The following WDPCP variants were observed in gnomAD, a reference collection of about 807,000 sequenced individuals.
WDPCP encodes the protein WD repeat containing planar cell polarity effector, also known as WD repeat-containing and planar cell polarity effector protein fritz homolog.
WDPCP carries 71 observed loss-of-function variants against 93.1 expected under a neutral mutation model. The observed-to-expected ratio is 0.76, with a 90% confidence interval of 0.63 to 0.93. WDPCP has a LOEUF of 0.93. WDPCP is among the 40% of genes least tolerant of loss of function. The pLI is 0.00. For synonymous variants in WDPCP, 315 were observed against 315.0 expected (o/e 1.00, Z 0.00); for missense variants, 844 against 887.4 (o/e 0.95, Z 0.62).
At chr2:63,342,820 C>A (rs996512787) in intron 12 of WDPCP, among the ~76,000 whole-genome samples, 22 of 152,196 alleles carry the variant, frequency 1.4e-4, no homozygotes, top group Non-Finnish European at 2.6e-4. Flanking sequence ...TATCTTTACA[C>A]GTTCTTTATT....
intron 13 of WDPCP, among the ~76,000 whole-genome samples, chr2:63,270,691 G>A (rs998224520): frequency 6.6e-6 from 1 of 152,158 alleles, no homozygotes; most frequent in Non-Finnish European, 1.5e-5. Context: ...AAAGAGCCAA[G>A]AGAAACTCCC....
intron 15 of WDPCP, among the ~76,000 whole-genome samples, chr2:63,169,741 T>C (rs1673241320): frequency 6.6e-6 from 1 of 152,182 alleles, no homozygotes; most frequent in Non-Finnish European, 1.5e-5. Context: ...ACTTTTTCTT[T>C]GACTTTTTTA....
intron 1 of WDPCP, among the ~76,000 whole-genome samples, chr2:63,535,035 G>A (rs1285423552): frequency 6.6e-6 from 1 of 152,126 alleles, no homozygotes; most frequent in Non-Finnish European, 1.5e-5. Flanking sequence ...AAATCAATGT[G>A]CAAAAATCAC....
intron 6 of WDPCP, among the ~76,000 whole-genome samples, chr2:63,451,015 A>G (rs1332579198): frequency 1.3e-5 from 2 of 152,112 alleles, no homozygotes; most frequent in Non-Finnish European, 2.9e-5. Flanking sequence ...AGAATTCAAG[A>G]ATTTCCAGAA....
intron 12 of WDPCP, among the ~76,000 whole-genome samples, chr2:63,372,506 G>A (rs539973978): frequency 2.0e-4 from 31 of 152,112 alleles, no homozygotes; most frequent in Non-Finnish European, 3.4e-4. Flanking sequence ...CCTAGAATAT[G>A]GTCAATTTAT....
At chr2:63,180,455 GAGTTATTTC>G (rs1457191389) in intron 14 of WDPCP, among the ~76,000 whole-genome samples, 1 of 152,092 alleles carries the variant, frequency 6.6e-6, no homozygotes, top group Non-Finnish European at 1.5e-5. Flanking sequence ...TTCTGTTTCT[GAGTTATTTC>G]ACTTAAGATT....
rs1440873479 is a variant in WDPCP at position 63,121,458 on chromosome 2, C to T, written c.*548G>A. 1 of 148,528 alleles carries T rather than the reference C, an allele frequency of 6.7e-6. No homozygotes were observed. The highest frequency in any genetic ancestry group is 1.5e-5 in the Non-Finnish European group (1 of 67,698). 9.2% of individuals were successfully genotyped at this position (148,528 alleles called of 1,614,324 possible). Reference sequence around the variant, plus strand: ...AGAGTGCAGTGGCGCGATCACAGCTCACTGTAGCCTTGAACTCCTGGGCTC... The same window carrying T: ...AGAGTGCAGTGGCGCGATCACAGCTTACTGTAGCCTTGAACTCCTGGGCTC... On this transcript the variant is annotated 3_prime_UTR_variant, in exon 18 of 18. Coordinates refer to ENST00000272321, the MANE Select transcript of WDPCP (RefSeq NM_015910.7).
At position 63,283,171 on chromosome 2, in the gene WDPCP, C is replaced by A. The variant is rs571563821; in HGVS notation, c.1813-23762G>T. Among the ~76,000 whole-genome samples the A allele has an allele frequency of 2.2e-3, 340 of 152,146 alleles. 2 individuals are homozygous for A. The highest frequency in any genetic ancestry group is 7.6e-3 in the African/African-American group (314 of 41,492). ...CTTTAAAATATAAATGTTTTTTAAT[C>A]GCTTGTGGGATGCATTTACAAAGAA... On this transcript the variant is annotated intron_variant, in intron 13 of 17. Coordinates refer to ENST00000272321, the MANE Select transcript of WDPCP (RefSeq NM_015910.7).
chr2:63,735,713 G>A (rs1043330070), intron 2 of WDPCP, among the ~76,000 whole-genome samples: 2 of 152,158 alleles, frequency 1.3e-5, no homozygotes, highest in South Asian at 2.1e-4. Context: ...GAGAGACACC[G>A]TCAGACTAGA....
chr2:63,188,072 C>T lies in WDPCP; in HGVS notation c.1916-13240G>A, dbSNP rs528940421. Among the ~76,000 whole-genome samples the T allele has an allele frequency of 3.3e-5, 5 of 152,238 alleles. No individual in the cohort carries two copies. The South Asian group carries it at 1.0e-3, about 32-fold the overall frequency. On this transcript the variant is annotated intron_variant, in intron 14 of 17. Transcript: ENST00000272321. ...GAAATCTGCTGATAACCTTAGTTGG[C>T]TCACTTGTACGTGATGAGTTGTTTT...
chr2:63,554,960 T>C (rs1416397529), intron 1 of WDPCP, among the ~76,000 whole-genome samples: 2 of 152,186 alleles, frequency 1.3e-5, no homozygotes, highest in Non-Finnish European at 2.9e-5. Flanking sequence ...CCACACTTTT[T>C]CCACAGATCT....
At chr2:63,643,740 G>A (rs1158721976) in intron 3 of WDPCP, 1 of 523,162 alleles carries the variant, frequency 1.9e-6, no homozygotes, top group Non-Finnish European at 3.9e-6. Context: ...TGGTGTCATA[G>A]ATCAGACGGA....
At chr2:63,308,206 C>A (rs552606387) in intron 13 of WDPCP, among the ~76,000 whole-genome samples, 4 of 152,162 alleles carry the variant, frequency 2.6e-5, no homozygotes, top group Non-Finnish European at 4.4e-5. Context: ...TACCATCTCA[C>A]GCCAGTTAGA....
chr2:63,398,402 AAAC>A (rs1204556922), intron 10 of WDPCP, among the ~76,000 whole-genome samples: 1 of 152,200 alleles, frequency 6.6e-6, no homozygotes, highest in Non-Finnish European at 1.5e-5. Flanking sequence ...GCTTTCTATA[AAAC>A]AACATTTCTT....
intron 1 of WDPCP, among the ~76,000 whole-genome samples, chr2:63,580,152 T>A (rs931071459): frequency 6.6e-6 from 1 of 152,118 alleles, no homozygotes; most frequent in African/African-American, 2.4e-5. Flanking sequence ...TTGTTATATG[T>A]AGGAGCAGCA....
chr2:63,455,592 T>C (rs1698570873), intron 6 of WDPCP, among the ~76,000 whole-genome samples: 2 of 151,906 alleles, frequency 1.3e-5, no homozygotes, highest in South Asian at 4.2e-4. Flanking sequence ...ACAAAGGTCA[T>C]CATACAATGA....
chr2:63,146,132 A>G (rs1273265270), intron 17 of WDPCP, among the ~76,000 whole-genome samples: 1 of 152,194 alleles, frequency 6.6e-6, no homozygotes, highest in Non-Finnish European at 1.5e-5. Flanking sequence ...CTCTAGATAT[A>G]GGACGATGTT....
intron 3 of WDPCP, chr2:63,604,766 C>T: frequency 6.2e-7 from 1 of 1,614,120 alleles, no homozygotes; most frequent in Non-Finnish European, 8.5e-7. Context: ...CATTCCTCGA[C>T]TCAGTATCCA....
At chr2:63,476,923 C>G (rs1256994575) in intron 6 of WDPCP, among the ~76,000 whole-genome samples, 2 of 152,042 alleles carry the variant, frequency 1.3e-5, no homozygotes, top group Non-Finnish European at 2.9e-5. Flanking sequence ...AAATAATTTA[C>G]CAGAGGCATT....
Sources: gnomAD v4.1 joint callset for allele counts (sites outside exome capture counted in the v4.1 genomes callset) on GRCh38, gnomAD v4.1.1 for gene constraint, MANE v1.5 for transcripts, NCBI Gene and HGNC (gene_info 2026-07-23, HGNC 2026-07-21) for gene names.